Variants in SUSD5 observed in about 807,000 individuals in gnomAD.
The protein encoded by SUSD5 is sushi domain containing 5.
SUSD5 carries 33 observed loss-of-function variants against 29.5 expected under a neutral mutation model. The ratio of observed to expected loss-of-function variants is 1.12; its 90% CI spans 0.85 to 1.49. The LOEUF (loss-of-function observed/expected upper bound fraction) is 1.49. Among genes scored for constraint, SUSD5 ranks in the 40% most tolerant of loss-of-function variants. The pLI, the probability that SUSD5 is intolerant of heterozygous loss-of-function variation, is 0.00. For synonymous variants in SUSD5, 308 were observed against 325.3 expected (o/e 0.95, Z 0.57); for missense variants, 776 against 800.6 (o/e 0.97, Z 0.37).
intron 3 of SUSD5, among the ~76,000 whole-genome samples, chr3:33,201,311 T>C (rs553923344): frequency 6.6e-6 from 1 of 152,294 alleles, no homozygotes; most frequent in Non-Finnish European, 1.5e-5. Context: ...TCCTCACATT[T>C]ACCACATGCC....
intron 4 of SUSD5, chr3:33,168,740 C>T (rs1174768968): frequency 1.2e-5 from 3 of 245,114 alleles, no homozygotes; most frequent in Admixed American, 6.5e-5. Context: ...TCCTCCGCCT[C>T]CTGGGTTCAA....
In SUSD5 at chr3:33,204,761, C is replaced by T. The variant is rs1281475105; in HGVS notation, c.409+3047G>A. ...CTCCCAGGTTAAAGCGATTCTCATGCCTCAGCCTCCTGAGTGGCTAGGATT... is the reference window on the plus strand; with the variant it reads ...CTCCCAGGTTAAAGCGATTCTCATGTCTCAGCCTCCTGAGTGGCTAGGATT... On this transcript the variant is annotated intron_variant, in intron 3 of 4. Coordinates refer to ENST00000309558, the MANE Select transcript of SUSD5 (RefSeq NM_015551.2). The surrounding 1 kb of genome is among the most constrained non-coding windows in gnomAD (Gnocchi z 4.5). 6.6e-6 allele frequency among the ~76,000 whole-genome samples: 1 copy of T among 152,158 alleles called. No individual in the cohort carries two copies. The highest frequency in any genetic ancestry group is 1.5e-5 in the Non-Finnish European group (1 of 68,044).
chr3:33,207,872 A>G lies in SUSD5; in HGVS notation c.345T>C (p.Asp115=), dbSNP rs2032251908. The G allele has an allele frequency of 1.2e-6, 2 of 1,613,930 alleles. No homozygotes were observed. Among genetic ancestry groups the G allele is most frequent in the Non-Finnish European group, 1.7e-6 (2 of 1,179,846 alleles). ...SGEQQIMRAV[D]VRIESNPVPG... is the part of the protein sequence containing the mutation. ...GAACTGGGTTGCTCTCAATTCTCAC[A>G]TCGACAGCTCTCATGATTTGCTGTT... The change falls in exon 3 of 5, where the codon GAT becomes GAC. Residue 115 remains aspartate, a synonymous_variant. Coordinates refer to ENST00000309558, the MANE Select transcript of SUSD5 (RefSeq NM_015551.2).
At chr3:33,158,503 C>T (rs184124382) in intron 4 of SUSD5, among the ~76,000 whole-genome samples, 164 of 152,214 alleles carry the variant, frequency 1.1e-3, no homozygotes, top group Admixed American at 2.0e-3. Flanking sequence ...CACTGCTAGT[C>T]GATTTCAAGC....
chr3:33,192,871 C>G (rs2031920598), intron 3 of SUSD5, among the ~76,000 whole-genome samples: 1 of 151,978 alleles, frequency 6.6e-6, no homozygotes, highest in Non-Finnish European at 1.5e-5. Context: ...ATATTCATAA[C>G]CAATTAGCCT....
In SUSD5 at chr3:33,153,883, A is replaced by G; in HGVS notation, c.749T>C (p.Leu250Pro). 1.2e-6 allele frequency: 2 copies of G among 1,614,042 alleles called. No individual in the cohort carries two copies. Among genetic ancestry groups the G allele is most frequent in the East Asian group, 4.5e-5 (2 of 44,876 alleles). Residue 250 changes from leucine to proline, a missense_variant, in exon 5 of 5, where the codon CTG becomes CCG. Physicochemically the swap from Leu to Pro is moderately conservative, Grantham distance 98. Coordinates refer to ENST00000309558, the MANE Select transcript of SUSD5 (RefSeq NM_015551.2). ...SSEEAPKQDR[L>P]VSISVGRENI... is the part of the protein sequence containing the mutation. ...TTCTCTCCCCACAGAAATGGAGACC[A>G]GACGGTCCTGTTTTGGAGCCTCCTC...
At chr3:33,188,415 G>C (rs931027585) in intron 3 of SUSD5, among the ~76,000 whole-genome samples, 1 of 152,040 alleles carries the variant, frequency 6.6e-6, no homozygotes, top group Admixed American at 6.6e-5. Flanking sequence ...AACCAGCATT[G>C]TCCTCCCCAA....
chr3:33,218,804 G>A lies in SUSD5; in HGVS notation c.-7C>T. On this transcript the variant is annotated 5_prime_UTR_variant, in exon 1 of 5. Coordinates refer to ENST00000309558, the MANE Select transcript of SUSD5 (RefSeq NM_015551.2). The stretch of plus-strand genomic sequence containing the variant: ...TGGGTCCCTCGGCAGTCATGGTCCG[G>A]GAGTGCGCGGGCCAGCGGACTCGGG... 1 of 1,442,408 alleles carries A rather than the reference G, an allele frequency of 6.9e-7. No homozygotes were observed. The highest frequency in any genetic ancestry group is 2.7e-5 in the Admixed American group (1 of 37,532). The allele number at this position is 1,442,408 out of a possible 1,614,324, so 89.4% of individuals were successfully genotyped here.
At chr3:33,186,672 G>A (rs1228041592) in intron 3 of SUSD5, among the ~76,000 whole-genome samples, 7 of 152,138 alleles carry the variant, frequency 4.6e-5, no homozygotes, top group Non-Finnish European at 8.8e-5. Context: ...TGACCTGCCC[G>A]CCTCGGCCTC....
At chr3:33,178,454 T>TG (rs1208414280) in intron 3 of SUSD5, among the ~76,000 whole-genome samples, 4 of 151,608 alleles carry the variant, frequency 2.6e-5, no homozygotes, top group Non-Finnish European at 4.4e-5. Flanking sequence ...TTGTTGTTGT[T>TG]TTGTTTTTTT....
chr3:33,218,606 G>A (rs1419662960), intron 1 of SUSD5, 80 bp downstream of exon 1: 6 of 1,182,062 alleles, frequency 5.1e-6, no homozygotes, highest in African/African-American at 1.6e-5. Flanking sequence ...CCGGTCAGAG[G>A]GAGCAGCCCC....
In SUSD5 at chr3:33,174,990, T is replaced by C; in HGVS notation, c.494A>G (p.Tyr165Cys). The C allele has an allele frequency of 1.2e-6, 2 of 1,614,018 alleles. No homozygotes were observed. The highest frequency in any genetic ancestry group is 1.7e-6 in the Non-Finnish European group (2 of 1,179,888). Residue 165 changes from tyrosine to cysteine, a missense_variant, in exon 4 of 5, where the codon TAC becomes TGC. By Grantham distance (194) the Tyr-to-Cys change is radical (BLOSUM62 -2). Transcript: ENST00000309558. The part of the protein sequence containing the change: ...TGLEMGDELL[Y>C]VCAPGHIMGH... ...CATGATGTGGCCTGGGGCACACACGTACAGCAGTTCATCCCCCATTTCCAA... is the reference window on the plus strand; with the variant it reads ...CATGATGTGGCCTGGGGCACACACGCACAGCAGTTCATCCCCCATTTCCAA...
intron 3 of SUSD5, among the ~76,000 whole-genome samples, chr3:33,175,569 A>ATG (rs1408361399): frequency 6.6e-6 from 1 of 151,680 alleles, no homozygotes; most frequent in Non-Finnish European, 1.5e-5. Flanking sequence ...CACACTATAT[A>ATG]TATATATACA....
chr3:33,163,880 G>A (rs1019426161), intron 4 of SUSD5, among the ~76,000 whole-genome samples: 4 of 152,128 alleles, frequency 2.6e-5, no homozygotes, highest in Non-Finnish European at 5.9e-5. Flanking sequence ...GGCACCTGTA[G>A]TCCCAGCTAC....
intron 2 of SUSD5, 120 bp downstream of exon 2, chr3:33,213,808 C>T: frequency 9.4e-7 from 1 of 1,065,408 alleles, no homozygotes; most frequent in Non-Finnish European, 1.3e-6. Flanking sequence ...AAAACATGAA[C>T]ACGCTACTGC....
chr3:33,199,414 C>G (rs1156293172), intron 3 of SUSD5, among the ~76,000 whole-genome samples: 1 of 152,198 alleles, frequency 6.6e-6, no homozygotes, highest in Non-Finnish European at 1.5e-5. Context: ...GCTGGGACTA[C>G]AGGCACCCGC....
intron 3 of SUSD5, among the ~76,000 whole-genome samples, chr3:33,187,369 G>C (rs2031798079): frequency 6.6e-6 from 1 of 152,166 alleles, no homozygotes; most frequent in South Asian, 2.1e-4. Flanking sequence ...TGAGAGTCTA[G>C]GTACATACAC....
At chr3:33,188,949 T>C (rs537431796) in intron 3 of SUSD5, among the ~76,000 whole-genome samples, 1 of 152,348 alleles carries the variant, frequency 6.6e-6, no homozygotes, top group Non-Finnish European at 1.5e-5. Context: ...GCATGAGGTA[T>C]AAGTGGTTGA....
chr3:33,183,042 G>A (rs567763222), intron 3 of SUSD5, among the ~76,000 whole-genome samples: 3 of 151,900 alleles, frequency 2.0e-5, no homozygotes, highest in East Asian at 1.9e-4. Flanking sequence ...TGATCCACCC[G>A]CCTTGGCCTC....
Sources: gnomAD v4.1 joint callset for allele counts (sites outside exome capture counted in the v4.1 genomes callset) on GRCh38, gnomAD v4.1.1 for gene constraint, Gnocchi (gnomAD v3.1) non-coding constraint, MANE v1.5 for transcripts, NCBI Gene and HGNC (gene_info 2026-07-23, HGNC 2026-07-21) for gene names.